Variants in CAMK2D observed in about 807,000 individuals in gnomAD.
The protein encoded by CAMK2D is calcium/calmodulin dependent protein kinase II delta, also known as calcium/calmodulin-dependent protein kinase type II subunit delta.
CAMK2D carries 37 observed loss-of-function variants against 84.0 expected under a neutral mutation model. The observed-to-expected ratio is 0.44, with a 90% CI of 0.34 to 0.58. The LOEUF (loss-of-function observed/expected upper bound fraction) is 0.58. Ranked by LOEUF, CAMK2D falls within the 20% of genes least tolerant of loss-of-function variation. CAMK2D has a pLI of 0.02. For missense variants in CAMK2D, 448 were observed against 652.5 expected (o/e 0.69, Z 3.41); for synonymous variants, 202 against 212.5 (o/e 0.95, Z 0.43).
At chr4:113,679,565 A>C in intron 2 of CAMK2D, 2 of 440,976 alleles carry the variant, frequency 4.5e-6, no homozygotes, top group Non-Finnish European at 6.0e-6. Flanking sequence ...TCCCTTAACC[A>C]TGGGTAGAGA....
chr4:113,583,769 A>T (rs1313108358), intron 4 of CAMK2D, among the ~76,000 whole-genome samples: 1 of 152,234 alleles, frequency 6.6e-6, no homozygotes, highest in Non-Finnish European at 1.5e-5. Context: ...TAATTCTTTC[A>T]TATTACACAC....
At chr4:113,467,865 TGA>T (rs2097495067) in intron 16 of CAMK2D, among the ~76,000 whole-genome samples, 3 of 151,910 alleles carry the variant, frequency 2.0e-5, no homozygotes, top group Non-Finnish European at 4.4e-5. Context: ...GGGATACGGG[TGA>T]GGAGGATCTC....
At chr4:113,702,278 T>C (rs972156486) in intron 2 of CAMK2D, among the ~76,000 whole-genome samples, 5 of 152,192 alleles carry the variant, frequency 3.3e-5, no homozygotes, top group South Asian at 2.1e-4. Flanking sequence ...AACTTTTTTA[T>C]ATTAAGGACC....
chr4:113,605,408 CTT>C (rs576303454), intron 4 of CAMK2D, among the ~76,000 whole-genome samples: 4 of 152,178 alleles, frequency 2.6e-5, no homozygotes, highest in East Asian at 1.9e-4. Context: ...TAATCTCTCT[CTT>C]GTTTAATTCT....
intron 3 of CAMK2D, among the ~76,000 whole-genome samples, chr4:113,658,743 GT>G (rs2099213900): frequency 6.6e-6 from 1 of 152,120 alleles, no homozygotes; most frequent in African/African-American, 2.4e-5. Flanking sequence ...ATTTGCCAGT[GT>G]TACAATTTTT....
chr4:113,637,626 A>G (rs2099115103), intron 3 of CAMK2D, among the ~76,000 whole-genome samples: 1 of 152,168 alleles, frequency 6.6e-6, no homozygotes, highest in Non-Finnish European at 1.5e-5. Flanking sequence ...GCAAGAAAAC[A>G]GTAATCCAAC....
At chr4:113,464,410 T>A (rs576954829) in intron 17 of CAMK2D, among the ~76,000 whole-genome samples, 4 of 152,378 alleles carry the variant, frequency 2.6e-5, no homozygotes, top group East Asian at 3.8e-4. Flanking sequence ...CTTGGTTTTT[T>A]AATTAAAGTA....
At chr4:113,506,411 T>C (rs1021662350) in intron 13 of CAMK2D, among the ~76,000 whole-genome samples, 2 of 152,230 alleles carry the variant, frequency 1.3e-5, no homozygotes, top group Non-Finnish European at 2.9e-5. Flanking sequence ...GAAAATTCTA[T>C]AAATGTTGTC....
chr4:113,747,636 T>A (rs560928323), intron 2 of CAMK2D, among the ~76,000 whole-genome samples: 1 of 152,272 alleles, frequency 6.6e-6, no homozygotes, highest in East Asian at 1.9e-4. Flanking sequence ...AAACAAATTC[T>A]AATTATCCTC....
intron 3 of CAMK2D, among the ~76,000 whole-genome samples, chr4:113,632,392 T>C (rs1338134166): frequency 2.0e-5 from 3 of 151,910 alleles, no homozygotes; most frequent in Non-Finnish European, 2.9e-5. Context: ...CCCAGCTAAT[T>C]TTGTAATTTT....
intron 2 of CAMK2D, among the ~76,000 whole-genome samples, chr4:113,719,324 G>A (rs1366559765): frequency 1.3e-5 from 2 of 152,148 alleles, no homozygotes; most frequent in African/African-American, 4.8e-5. Flanking sequence ...AACATGGTAA[G>A]TCCCCTCTGC....
intron 4 of CAMK2D, among the ~76,000 whole-genome samples, chr4:113,577,516 CA>C (rs1352266716): frequency 6.6e-6 from 1 of 152,164 alleles, no homozygotes; most frequent in African/African-American, 2.4e-5. Flanking sequence ...TCACTAATTA[CA>C]TAATCAGTAC....
At chr4:113,502,523 A>AG (rs1230111246) in intron 15 of CAMK2D, among the ~76,000 whole-genome samples, 2 of 133,064 alleles carry the variant, frequency 1.5e-5, no homozygotes, top group Admixed American at 1.9e-4. Context: ...ACACTAAACA[A>AG]AAAAAAAAAC....
intron 2 of CAMK2D, among the ~76,000 whole-genome samples, chr4:113,689,490 G>T (rs1381880309): frequency 6.6e-6 from 1 of 152,108 alleles, no homozygotes; most frequent in Non-Finnish European, 1.5e-5. Context: ...GCTACTCCCT[G>T]TCTCTCCAAC....
At chr4:113,645,063 C>T (rs897719771) in intron 3 of CAMK2D, among the ~76,000 whole-genome samples, 4 of 152,178 alleles carry the variant, frequency 2.6e-5, no homozygotes, top group Non-Finnish European at 5.9e-5. Flanking sequence ...GTCGCCCAGG[C>T]TGGAGTGAAG....
At chr4:113,631,270 T>C (rs1196984452) in intron 3 of CAMK2D, among the ~76,000 whole-genome samples, 4 of 152,108 alleles carry the variant, frequency 2.6e-5, no homozygotes, top group Non-Finnish European at 5.9e-5. Context: ...CCTAGCACCT[T>C]TGGAGGCCAA....
chr4:113,477,745 C>CAAAAA (rs34393843), intron 16 of CAMK2D, among the ~76,000 whole-genome samples: 1 of 117,298 alleles, frequency 8.5e-6, no homozygotes, highest in Admixed American at 8.8e-5. Context: ...GACTCTGTCT[C>CAAAAA]AAAAAAAAAA....
At chr4:113,523,270 A>T (rs1293897080) in intron 8 of CAMK2D, among the ~76,000 whole-genome samples, 2 of 152,128 alleles carry the variant, frequency 1.3e-5, no homozygotes, top group African/African-American at 4.8e-5. Context: ...AATCCTAAAA[A>T]CTGCTCTCCT....
intron 16 of CAMK2D, among the ~76,000 whole-genome samples, chr4:113,499,243 A>G (rs1226156149): frequency 6.6e-6 from 1 of 152,164 alleles, no homozygotes; most frequent in African/African-American, 2.4e-5. Context: ...TTAAGTGCAA[A>G]GAGTGAGATG....
Sources: allele counts gnomAD v4.1 joint callset (sites outside exome capture counted in the v4.1 genomes callset), GRCh38; gene constraint gnomAD v4.1.1; transcripts MANE v1.5; gene names NCBI Gene and HGNC (gene_info 2026-07-23, HGNC 2026-07-21).